The following FBXO47 variants were observed in gnomAD, a reference collection of about 807,000 sequenced individuals.
The protein encoded by FBXO47 is F-box protein 47, also known as F-box only protein 47.
Under a neutral mutation model 53.9 loss-of-function variants are expected in FBXO47, and 34 were observed. The observed-to-expected ratio is 0.63, with a 90% CI of 0.48 to 0.84. The LOEUF (loss-of-function observed/expected upper bound fraction) is 0.84, where lower values mean the gene tolerates loss of function less well. Ranked by LOEUF, FBXO47 falls within the 40% of genes least tolerant of loss-of-function variation. The pLI is 0.00. For synonymous variants in FBXO47, 165 were observed against 181.6 expected, an observed-to-expected ratio of 0.91 and a Z score of 0.73; for missense variants, 485 against 541.3, an observed-to-expected ratio of 0.90 and a Z score of 1.03.
chr17:38,955,659 A>G (rs1425167899), intron 4 of FBXO47, among the ~76,000 whole-genome samples: 1 of 151,332 alleles, frequency 6.6e-6, no homozygotes. Flanking sequence ...AACTTCTTGT[A>G]TAAAACCTTT....
chr17:38,940,821 A>C (rs1442090261), intron 9 of FBXO47, among the ~76,000 whole-genome samples: 1 of 151,686 alleles, frequency 6.6e-6, no homozygotes, highest in Non-Finnish European at 1.5e-5. Flanking sequence ...GACGATAGAC[A>C]CACACCACCA....
At chr17:38,941,613 TATA>T (rs151241831) in intron 9 of FBXO47, among the ~76,000 whole-genome samples, 4,955 of 121,090 alleles carry the variant, frequency 0.041, 128 homozygotes, top group African/African-American at 0.069. Flanking sequence ...ATTAAATAAA[TATA>T]ATATTATATA....
rs556774550 is a variant in FBXO47 at position 38,956,342 on chromosome 17, C to G, written c.429+835G>C. 2.2e-3 allele frequency among the ~76,000 whole-genome samples: 329 copies of G among 152,120 alleles called. 1 individual carries two copies. Among genetic ancestry groups the G allele is most frequent in the Non-Finnish European group, 3.3e-3 (222 of 68,002 alleles). ...GTGGCTCATACCTGTAATCCCAGCA[C>G]TTTGGGAGGCCAAGGTGGGCAGATC... On this transcript the variant is annotated intron_variant, in intron 4 of 10. Coordinates refer to ENST00000378079, the MANE Select transcript of FBXO47 (RefSeq NM_001008777.3).
rs112930651 is a variant in FBXO47 at position 38,944,965 on chromosome 17, T to C, written c.788A>G (p.Gln263Arg). Residue 263 changes from glutamine (Q) to arginine (R), a missense_variant, in exon 7 of 11, where the codon CAA (glutamine) becomes CGA (arginine). Transcript: ENST00000378079. ...CCTGAAAGATGGGTGCTCACCATCT[T>C]GAGGAGATATTGGCCCAAAGATGAT... ...LYIIFGPISP[Q>R]DGQVVWQEMI... 6.2e-7 allele frequency: 1 copy of C among 1,613,184 alleles called. No homozygotes were observed. Among genetic ancestry groups the C allele is most frequent in the Admixed American group, 1.7e-5 (1 of 59,892 alleles).
At chr17:38,946,359 TA>T (rs1449609297) in intron 6 of FBXO47, among the ~76,000 whole-genome samples, 2 of 95,442 alleles carry the variant, frequency 2.1e-5, no homozygotes, top group Admixed American at 1.6e-4. Flanking sequence ...TAAATATATA[TA>T]AATATATAGA....
chr17:38,945,890 C>T (rs1379402609), intron 6 of FBXO47, among the ~76,000 whole-genome samples: 11 of 141,820 alleles, frequency 7.8e-5, no homozygotes, highest in Middle Eastern at 7.4e-3. Flanking sequence ...GAGCCAAGAT[C>T]GTGCCACTGC....
intron 1 of FBXO47, among the ~76,000 whole-genome samples, chr17:38,965,013 C>G (rs1042357954): frequency 5.3e-5 from 8 of 151,990 alleles, no homozygotes; most frequent in African/African-American, 1.7e-4. Flanking sequence ...CCACACTCAG[C>G]TAATTTCTGT....
At chr17:38,948,094 A>G (rs1905029587) in intron 6 of FBXO47, among the ~76,000 whole-genome samples, 1 of 151,982 alleles carries the variant, frequency 6.6e-6, no homozygotes, top group Non-Finnish European at 1.5e-5. Flanking sequence ...CATCACTTCA[A>G]AAAGACATCC....
chr17:38,955,387 CAAA>C (rs756125580), intron 4 of FBXO47, among the ~76,000 whole-genome samples: 3 of 84,340 alleles, frequency 3.6e-5, no homozygotes, highest in Non-Finnish European at 2.5e-5. Flanking sequence ...GATTCCATCT[CAAA>C]AAAAAAAAAA....
Position 38,938,664 on chromosome 17 carries a change from A to T in FBXO47, c.1152T>A (p.Phe384Leu), listed in dbSNP as rs187260473. ...VKMMQKVCKVFSTPVERKNFL... is the reference protein window; with the variant it reads ...VKMMQKVCKVLSTPVERKNFL... ...AGTTCTTTCTTTCCACTGGAGTGCT[A>T]AAGACTTTGCAGACTTTTTGCATCA... Residue 384 changes from phenylalanine to leucine, a missense_variant, in exon 10 of 11, where the codon TTT becomes TTA. Phe to Leu is a conservative substitution (Grantham distance 22, BLOSUM62 0). Transcript: ENST00000378079. 387 of 1,613,674 alleles carry T rather than the reference A, an allele frequency of 2.4e-4. 3 individuals are homozygous for T. In the East Asian group the frequency reaches 8.3e-3, roughly 35 times the overall value.
rs1460192832 is a variant in FBXO47 at position 38,962,920 on chromosome 17, G to A, written c.106C>T (p.Gln36Ter). 1.2e-6 allele frequency: 2 copies of A among 1,613,298 alleles called. No homozygotes were observed. The highest frequency in any genetic ancestry group is 1.7e-6 in the Non-Finnish European group (2 of 1,179,458). Reference protein sequence around the residue: ...CYSKTLGSGFQPISTFGNFKA... With the variant: ...CYSKTLGSGF ...AAATTTCCAAATGTTGATATGGGTT[G>A]AAAGCCTGAGCCAAGGGTCTTGGAA... The change falls in exon 2 of 11, where the codon CAA (glutamine) becomes TAA (stop). Residue 36 changes from glutamine to a stop codon, truncating the protein, a stop_gained. Transcript: ENST00000378079. LOFTEE classifies it high-confidence loss of function.
intron 7 of FBXO47, among the ~76,000 whole-genome samples, chr17:38,944,189 AC>A (rs1360249704): frequency 2.3e-4 from 25 of 108,624 alleles, no homozygotes; most frequent in African/African-American, 5.9e-4. Flanking sequence ...CTCAAAAAAA[AC>A]ATGTGTGTGT....
intron 1 of FBXO47, among the ~76,000 whole-genome samples, chr17:38,964,585 C>T (rs887277656): frequency 1.3e-4 from 20 of 151,366 alleles, no homozygotes; most frequent in Admixed American, 7.3e-4. Context: ...CGCTTGAACC[C>T]GGGAGGCGGA....
At chr17:38,952,048 C>T (rs894068878) in intron 5 of FBXO47, among the ~76,000 whole-genome samples, 2 of 151,952 alleles carry the variant, frequency 1.3e-5, no homozygotes, top group Non-Finnish European at 2.9e-5. Flanking sequence ...CAAAACAGGC[C>T]GGGTGCGGTG....
At chr17:38,942,992 TGC>T in intron 8 of FBXO47, 72 bp from the exon 9 acceptor site, 1 of 1,243,324 alleles carries the variant, frequency 8.0e-7, no homozygotes, top group South Asian at 1.5e-5. Flanking sequence ...ATTAAGTACA[TGC>T]AATATTTTAT....
At chr17:38,950,648 T>C (rs2143932265) in intron 6 of FBXO47, among the ~76,000 whole-genome samples, 1 of 152,142 alleles carries the variant, frequency 6.6e-6, no homozygotes, top group South Asian at 2.1e-4. Flanking sequence ...TGTGGGAGTT[T>C]CTCAGAGGGA....
At chr17:38,964,690 A>G (rs375368570) in intron 1 of FBXO47, among the ~76,000 whole-genome samples, 34 of 152,226 alleles carry the variant, frequency 2.2e-4, no homozygotes, top group Non-Finnish European at 1.8e-4. Context: ...CAAACAAAAA[A>G]TAACAATAAT....
intron 1 of FBXO47, 115 bp downstream of exon 1, chr17:38,967,114 G>A (rs1906168846): frequency 6.6e-6 from 1 of 152,150 alleles, no homozygotes; most frequent in Non-Finnish European, 1.5e-5. Context: ...GAAGCCTAAA[G>A]GACAAACTGG....
rs956526145 is a variant in FBXO47 at position 38,936,483 on chromosome 17, C to T, written c.*692G>A. ...CTTATTTGCTACATTTTATTTGAATCCCCAGTAAAAGATGATTTGATTGCA... is the reference window on the plus strand; with the variant it reads ...CTTATTTGCTACATTTTATTTGAATTCCCAGTAAAAGATGATTTGATTGCA... On this transcript the variant is annotated 3_prime_UTR_variant, in exon 11 of 11. Coordinates refer to ENST00000378079, the MANE Select transcript of FBXO47 (RefSeq NM_001008777.3). 1.3e-5 allele frequency: 2 copies of T among 151,892 alleles called. No individual in the cohort carries two copies. The highest frequency in any genetic ancestry group is 4.8e-5 in the African/African-American group (2 of 41,352). The allele number at this position is 151,892 out of a possible 1,614,324, so 9.4% of individuals were successfully genotyped here. A position where few individuals can be genotyped will look rare whatever the true frequency, so the allele number is the denominator to read the frequency against.
Sources: gnomAD v4.1 joint callset for allele counts (sites outside exome capture counted in the v4.1 genomes callset) on GRCh38, gnomAD v4.1.1 for gene constraint, MANE v1.5 for transcripts, NCBI Gene and HGNC (gene_info 2026-07-23, HGNC 2026-07-21) for gene names.